Variants in RNF13 observed in about 807,000 individuals in gnomAD.
The protein encoded by RNF13 is E3 ubiquitin-protein ligase RNF13.
A neutral mutation model predicts 37.7 loss-of-function variants in RNF13; 19 were observed. The ratio of observed to expected loss-of-function variants is 0.50; its 90% CI spans 0.35 to 0.74. The LOEUF (loss-of-function observed/expected upper bound fraction) is 0.74, where lower values mean the gene tolerates loss of function less well. RNF13 is among the 30% of genes least tolerant of loss of function. The pLI, the probability that RNF13 is intolerant of heterozygous loss-of-function variation, is 0.01. For synonymous variants in RNF13, 144 were observed against 157.8 expected (o/e 0.91, Z 0.65); for missense variants, 375 against 453.0 (o/e 0.83, Z 1.56).
chr3:149,861,679 A>T lies in RNF13; in HGVS notation c.195+9083A>T, dbSNP rs929218390. Among the ~76,000 whole-genome samples, 3 of 152,172 alleles carry T rather than the reference A, an allele frequency of 2.0e-5. No individual in the cohort carries two copies. The East Asian group carries it at 5.8e-4, about 29-fold the overall frequency. On this transcript the variant is annotated intron_variant, in intron 3 of 9. Transcript: ENST00000392894. ...GAAAGGTTGGTCAGTGGGTACAAACATGCAGTTAGATAGAAGGTATAAGTT... is the reference window on the plus strand; with the variant it reads ...GAAAGGTTGGTCAGTGGGTACAAACTTGCAGTTAGATAGAAGGTATAAGTT...
At chr3:149,825,644 G>GCAACCA (rs1305060681) in intron 1 of RNF13, among the ~76,000 whole-genome samples, 15 of 152,302 alleles carry the variant, frequency 9.8e-5, no homozygotes, top group African/African-American at 3.6e-4. Flanking sequence ...CTGGTGTGCT[G>GCAACCA]CAACCACACC....
intron 1 of RNF13, among the ~76,000 whole-genome samples, chr3:149,825,978 T>G (rs1305940883): frequency 6.6e-6 from 1 of 152,238 alleles, no homozygotes; most frequent in African/African-American, 2.4e-5. Flanking sequence ...TTATATTTAC[T>G]GTCCTATCAT....
chr3:149,876,327 C>T (rs1712689419), intron 4 of RNF13, among the ~76,000 whole-genome samples: 1 of 152,150 alleles, frequency 6.6e-6, no homozygotes, highest in Non-Finnish European at 1.5e-5. Flanking sequence ...CCATCTAGGC[C>T]AGTTACCAAG....
intron 8 of RNF13, among the ~76,000 whole-genome samples, chr3:149,959,689 C>T (rs949998325): frequency 1.3e-5 from 2 of 152,156 alleles, no homozygotes; most frequent in Non-Finnish European, 2.9e-5. Context: ...AGTATATTCT[C>T]ATGTTTCCAT....
intron 8 of RNF13, among the ~76,000 whole-genome samples, chr3:149,936,819 A>G (rs572899528): frequency 1.3e-5 from 2 of 152,060 alleles, no homozygotes; most frequent in Non-Finnish European, 2.9e-5. Flanking sequence ...TTTGTTATTT[A>G]TTCTAGTTTT....
At chr3:149,906,427 T>A (rs1034715571) in intron 6 of RNF13, among the ~76,000 whole-genome samples, 5 of 152,162 alleles carry the variant, frequency 3.3e-5, no homozygotes, top group African/African-American at 1.2e-4. Context: ...TTTCCCAAAG[T>A]GCCTTCACCA....
chr3:149,912,774 G>T, intron 7 of RNF13, among the ~76,000 whole-genome samples: 1 of 152,128 alleles, frequency 6.6e-6, no homozygotes, highest in South Asian at 2.1e-4. Flanking sequence ...CATAACGGTG[G>T]TTATCAAAAT....
At chr3:149,829,498 G>A (rs1035930683) in intron 1 of RNF13, among the ~76,000 whole-genome samples, 2 of 152,134 alleles carry the variant, frequency 1.3e-5, no homozygotes, top group African/African-American at 2.4e-5. Flanking sequence ...TTGCATAGGT[G>A]AAAAAATTTT....
chr3:149,839,471 A>G (rs1221583261), intron 1 of RNF13, among the ~76,000 whole-genome samples: 1 of 144,718 alleles, frequency 6.9e-6, no homozygotes, highest in Non-Finnish European at 1.5e-5. Flanking sequence ...TGACAGCTCT[A>G]CATGGCTGGA....
chr3:149,824,763 G>A (rs1233590758), intron 1 of RNF13, among the ~76,000 whole-genome samples: 1 of 150,632 alleles, frequency 6.6e-6, no homozygotes, highest in African/African-American at 2.4e-5. Context: ...CCATTTGTAA[G>A]TATGTCTGTA....
chr3:149,888,544 C>T (rs189525466), intron 4 of RNF13, among the ~76,000 whole-genome samples: 1 of 152,278 alleles, frequency 6.6e-6, no homozygotes, highest in Admixed American at 6.5e-5. Flanking sequence ...TCAAACATTA[C>T]AAATTACTCT....
intron 1 of RNF13, among the ~76,000 whole-genome samples, chr3:149,842,815 A>G (rs545872069): frequency 8.5e-5 from 13 of 152,356 alleles, no homozygotes; most frequent in African/African-American, 2.9e-4. Flanking sequence ...TGGAAACCCA[A>G]TGTGTGAAAT....
intron 3 of RNF13, among the ~76,000 whole-genome samples, chr3:149,860,291 A>G (rs1724116877): frequency 7.0e-6 from 1 of 143,300 alleles, no homozygotes; most frequent in Non-Finnish European, 1.5e-5. Context: ...ATATATATAT[A>G]TATATATATA....
At chr3:149,854,517 C>T (rs1014307850) in intron 3 of RNF13, among the ~76,000 whole-genome samples, 6 of 152,062 alleles carry the variant, frequency 3.9e-5, no homozygotes, top group East Asian at 1.9e-4. Context: ...CAATGGAATC[C>T]GCTCTAGCTA....
chr3:149,937,570 T>C (rs1472913369), intron 8 of RNF13, among the ~76,000 whole-genome samples: 1 of 152,224 alleles, frequency 6.6e-6, no homozygotes, highest in African/African-American at 2.4e-5. Context: ...GCTTCTACTC[T>C]GCCATTTTGG....
At chr3:149,914,181 A>G (rs1010598496) in intron 7 of RNF13, among the ~76,000 whole-genome samples, 1 of 152,004 alleles carries the variant, frequency 6.6e-6, no homozygotes, top group African/African-American at 2.4e-5. Flanking sequence ...ATTCAACGCT[A>G]TCCCTTTTTT....
intron 6 of RNF13, among the ~76,000 whole-genome samples, chr3:149,902,450 A>G (rs1347431985): frequency 6.6e-6 from 1 of 152,074 alleles, no homozygotes; most frequent in African/African-American, 2.4e-5. Flanking sequence ...GTATTTTAAA[A>G]CAATGCAATT....
intron 3 of RNF13, among the ~76,000 whole-genome samples, chr3:149,864,549 T>G (rs1724612445): frequency 6.6e-6 from 1 of 152,178 alleles, no homozygotes; most frequent in Non-Finnish European, 1.5e-5. Context: ...CATTTTGTTT[T>G]CTAAAATGTC....
Position 149,902,128 on chromosome 3 carries a change from A to G in RNF13, c.466A>G (p.Asn156Asp). Residue 156 changes from asparagine to aspartate, a missense_variant, in exon 6 of 10, where the codon AAT (asparagine) becomes GAT (aspartate). Coordinates refer to ENST00000392894, the MANE Select transcript of RNF13 (RefSeq NM_183381.3). ...TGTCTTTATTGGTGAATCATCAGCT[A>G]ATTCTCTGAAAGATGAATTCACATA... The part of the protein sequence containing the change: ...PSVFIGESSA[N>D]SLKDEFTYEK... 1 of 1,529,780 alleles carries G rather than the reference A, an allele frequency of 6.5e-7. No homozygotes were observed. The highest frequency in any genetic ancestry group is 8.8e-7 in the Non-Finnish European group (1 of 1,134,756). 94.8% of individuals were successfully genotyped at this position (1,529,780 alleles called of 1,614,324 possible).
Sources: gnomAD v4.1 joint callset for allele counts (sites outside exome capture counted in the v4.1 genomes callset) on GRCh38, gnomAD v4.1.1 for gene constraint, MANE v1.5 for transcripts, NCBI Gene and HGNC (gene_info 2026-07-23, HGNC 2026-07-21) for gene names.